LAMA2: variants seen among roughly 807,000 people sequenced by gnomAD.
LAMA2 encodes laminin subunit alpha-2.
Under a neutral mutation model 364.8 loss-of-function variants are expected in LAMA2, and 269 were observed. The observed-to-expected ratio is 0.74, with a 90% CI of 0.67 to 0.82. The LOEUF is 0.82. LAMA2 is among the 40% of genes least tolerant of loss of function. The pLI is 0.00. For synonymous variants in LAMA2, 1,379 were observed against 1,370.6 expected (o/e 1.01, Z -0.14); for missense variants, 3,807 against 3,873.2 (o/e 0.98, Z 0.45).
chr6:129,382,837 T>C (rs1778769506), intron 34 of LAMA2, among the ~76,000 whole-genome samples: 1 of 152,240 alleles, frequency 6.6e-6, no homozygotes. Context: ...CTTAAAGATA[T>C]TTCAAAAATA....
At chr6:129,052,715 A>G (rs182543969) in intron 2 of LAMA2, among the ~76,000 whole-genome samples, 1 of 151,930 alleles carries the variant, frequency 6.6e-6, no homozygotes, top group Admixed American at 6.6e-5. Flanking sequence ...TTATAATGAT[A>G]TATATCTACC....
At chr6:129,441,630 A>G (rs1428585524) in intron 43 of LAMA2, among the ~76,000 whole-genome samples, 1 of 152,114 alleles carries the variant, frequency 6.6e-6, no homozygotes, top group African/African-American at 2.4e-5. Context: ...TTAGTTAAAT[A>G]TAGTCAAAAT....
At chr6:129,223,217 A>C (rs1467765802) in intron 12 of LAMA2, among the ~76,000 whole-genome samples, 1 of 151,924 alleles carries the variant, frequency 6.6e-6, no homozygotes, top group Non-Finnish European at 1.5e-5. Flanking sequence ...AGTTTGTTTG[A>C]GTTCTTTGTA....
intron 53 of LAMA2, 23 bp downstream of exon 53, chr6:129,475,424 C>G: frequency 6.4e-7 from 1 of 1,566,488 alleles, no homozygotes; most frequent in Non-Finnish European, 8.7e-7. Flanking sequence ...TTTATGCATG[C>G]CTTCTTCGAG....
intron 9 of LAMA2, among the ~76,000 whole-genome samples, chr6:129,170,642 G>T (rs1373673037): frequency 6.6e-6 from 1 of 151,596 alleles, no homozygotes; most frequent in East Asian, 1.9e-4. Flanking sequence ...ATATTCTGTT[G>T]ATTTGGGGTG....
chr6:129,321,568 T>C (rs1250604972), intron 28 of LAMA2, among the ~76,000 whole-genome samples: 1 of 152,172 alleles, frequency 6.6e-6, no homozygotes, highest in Non-Finnish European at 1.5e-5. Flanking sequence ...CAGTTAGATA[T>C]TATTAAATCT....
intron 1 of LAMA2, among the ~76,000 whole-genome samples, chr6:128,897,575 G>T (rs1253378677): frequency 3.3e-5 from 5 of 152,218 alleles, no homozygotes; most frequent in Admixed American, 6.5e-5. Flanking sequence ...GATAGTTACA[G>T]TTATTAACTT....
Position 129,327,180 on chromosome 6 carries a change from G to A in LAMA2, c.4177-1098G>A, listed in dbSNP as rs543362471. Among the ~76,000 whole-genome samples the A allele has an allele frequency of 4.6e-5, 7 of 152,202 alleles. No individual in the cohort carries two copies. In the South Asian group the frequency reaches 1.4e-3, roughly 32 times the overall value. On this transcript the variant is annotated intron_variant, in intron 28 of 64. Coordinates refer to ENST00000421865, the MANE Select transcript of LAMA2 (RefSeq NM_000426.4). ...TAAAAGCAGAGAGTCTCTTGATTAA[G>A]TGCTTAATTGAAGTACTTTTGCATT... is the stretch of plus-strand genomic sequence containing the variant.
chr6:129,477,942 G>T (rs1784153981), intron 53 of LAMA2, among the ~76,000 whole-genome samples: 1 of 151,968 alleles, frequency 6.6e-6, no homozygotes, highest in South Asian at 2.1e-4. Context: ...ACACCAACAT[G>T]CCCAGCTACT....
intron 1 of LAMA2, among the ~76,000 whole-genome samples, chr6:129,025,796 C>T (rs890932963): frequency 6.6e-6 from 1 of 152,098 alleles, no homozygotes; most frequent in Non-Finnish European, 1.5e-5. Context: ...GAAACATTCT[C>T]AATACATTAT....
chr6:129,323,394 C>T (rs958509437), intron 28 of LAMA2, among the ~76,000 whole-genome samples: 14 of 152,134 alleles, frequency 9.2e-5, no homozygotes, highest in Admixed American at 7.2e-4. Context: ...AATTAAGTAT[C>T]AGTTACTGCT....
At chr6:129,316,321 G>C in intron 27 of LAMA2, 150 bp downstream of exon 27, 1 of 668,288 alleles carries the variant, frequency 1.5e-6, no homozygotes, top group Non-Finnish European at 2.6e-6. Context: ...CCTGTGACCT[G>C]GAAGAAGCTA....
At chr6:129,241,817 T>C (rs1785411533) in intron 12 of LAMA2, among the ~76,000 whole-genome samples, 2 of 152,176 alleles carry the variant, frequency 1.3e-5, no homozygotes, top group South Asian at 2.1e-4. Flanking sequence ...TTAGTATCCA[T>C]TGCACCTTTG....
At chr6:129,042,404 C>G (rs1787167386) in intron 1 of LAMA2, among the ~76,000 whole-genome samples, 1 of 152,032 alleles carries the variant, frequency 6.6e-6, no homozygotes, top group Admixed American at 6.6e-5. Flanking sequence ...CATATCTACC[C>G]ATAAATCCAT....
intron 1 of LAMA2, among the ~76,000 whole-genome samples, chr6:128,905,181 CA>C (rs1294503927): frequency 2.6e-5 from 4 of 152,084 alleles, no homozygotes; most frequent in African/African-American, 9.7e-5. Context: ...ATTTTATTTT[CA>C]AAATCAATCT....
At chr6:129,329,524 G>T (rs1454840977) in intron 29 of LAMA2, among the ~76,000 whole-genome samples, 1 of 152,046 alleles carries the variant, frequency 6.6e-6, no homozygotes, top group Admixed American at 6.6e-5. Flanking sequence ...ACCACACCTG[G>T]ATATTTTTTT....
At chr6:129,427,493 C>T (rs1481810168) in intron 40 of LAMA2, among the ~76,000 whole-genome samples, 1 of 152,200 alleles carries the variant, frequency 6.6e-6, no homozygotes, top group Non-Finnish European at 1.5e-5. Context: ...GAATGCCAGT[C>T]ACCTTGCCAG....
chr6:128,964,391 G>A (rs1219754649), intron 1 of LAMA2, among the ~76,000 whole-genome samples: 1 of 151,982 alleles, frequency 6.6e-6, no homozygotes, highest in Non-Finnish European at 1.5e-5. Context: ...CACAATGCCT[G>A]GGAATATGTT....
At chr6:129,168,192 T>G (rs370977366) in intron 9 of LAMA2, among the ~76,000 whole-genome samples, 17 of 148,150 alleles carry the variant, frequency 1.1e-4, no homozygotes, top group East Asian at 4.0e-4. Context: ...GTCAATTTTG[T>G]CTTTTGTTGC....
Sources: allele counts gnomAD v4.1 joint callset (sites outside exome capture counted in the v4.1 genomes callset), GRCh38; gene constraint gnomAD v4.1.1; transcripts MANE v1.5; gene names NCBI Gene and HGNC (gene_info 2026-07-23, HGNC 2026-07-21).